Variants in SNRPN observed in about 807,000 individuals in gnomAD.
The protein encoded by SNRPN is small nuclear ribonucleoprotein-associated protein N.
Under a neutral mutation model 25.2 loss-of-function variants are expected in SNRPN, and 7 were observed. The observed-to-expected ratio is 0.28, with a 90% CI of 0.16 to 0.52. SNRPN has a LOEUF of 0.52. SNRPN is among the 20% of genes least tolerant of loss of function. The probability of loss-of-function intolerance (pLI) is 0.96; values close to 1 mark genes in which losing one functional copy is unlikely to be tolerated. For missense variants in SNRPN, 196 were observed against 322.5 expected (o/e 0.61, Z 3.00); for synonymous variants, 124 against 110.6 (o/e 1.12, Z -0.76).
At chr15:24,886,921 C>T (rs2057248655) in intron 2 of SNRPN, among the ~76,000 whole-genome samples, 1 of 152,148 alleles carries the variant, frequency 6.6e-6, no homozygotes, top group African/African-American at 2.4e-5. Context: ...GTGGCCACAT[C>T]CTCTTTACTT....
intron 2 of SNRPN, among the ~76,000 whole-genome samples, chr15:24,898,788 A>G (rs2058251324): frequency 6.6e-6 from 1 of 152,122 alleles, no homozygotes; most frequent in African/African-American, 2.4e-5. Flanking sequence ...GGGGGCGATG[A>G]AGTCCCACGG....
intron 2 of SNRPN, among the ~76,000 whole-genome samples, chr15:24,919,324 G>C (rs2647353): frequency 6.6e-6 from 1 of 151,240 alleles, no homozygotes; most frequent in Non-Finnish European, 1.5e-5. Context: ...CCAGCTACTC[G>C]GGAGGCTGAG....
chr15:24,870,754 T>C (rs1388512883), intron 1 of SNRPN, among the ~76,000 whole-genome samples: 1 of 151,930 alleles, frequency 6.6e-6, no homozygotes, highest in Non-Finnish European at 1.5e-5. Context: ...ACATTTCTTA[T>C]TCATTTTTCT....
intron 1 of SNRPN, among the ~76,000 whole-genome samples, chr15:24,867,098 A>G (rs2054636830): frequency 6.6e-6 from 1 of 152,174 alleles, no homozygotes; most frequent in Admixed American, 6.5e-5. Flanking sequence ...ACATGAGTGT[A>G]GGTATCTCTT....
Position 24,839,034 on chromosome 15 carries a change from A to G in SNRPN, c.-579+9129A>G, listed in dbSNP as rs571694215. The stretch of plus-strand genomic sequence containing the variant: ...ACTGAGGTTGGAATTTCACAGGAAC[A>G]GCCTAATTAGCCAGCTACCTGGTCC... On this transcript the variant is annotated intron_variant, in intron 2 of 12. Coordinates refer to the SNRPN transcript ENST00000400100. Among the ~76,000 whole-genome samples the G allele has an allele frequency of 1.7e-3, 262 of 152,190 alleles. 4 individuals carry two copies. The highest frequency in any genetic ancestry group is 5.9e-3 in the African/African-American group (244 of 41,454).
chr15:24,974,312 C>A lies in SNRPN; in HGVS notation c.-142C>A. Reference sequence around the variant, plus strand: ...GCTTTAACATGCTTTCCTCTGCAGGCTCCATCTACTCTTTGAAGCTTCTGC... The same window carrying A: ...GCTTTAACATGCTTTCCTCTGCAGGATCCATCTACTCTTTGAAGCTTCTGC... On this transcript the variant is annotated splice_region_variant and 5_prime_UTR_variant, in exon 4 of 10. Transcript: ENST00000390687. 2 of 753,294 alleles carry A rather than the reference C, an allele frequency of 2.7e-6. No homozygotes were observed. Among genetic ancestry groups the A allele is most frequent in the Non-Finnish European group, 2.4e-6 (1 of 416,738 alleles). 46.7% of individuals were successfully genotyped at this position (753,294 alleles called of 1,614,324 possible).
chr15:24,950,066 C>T (rs1029959367), upstream of SNRPN, among the ~76,000 whole-genome samples: 2 of 152,156 alleles, frequency 1.3e-5, no homozygotes, highest in African/African-American at 4.8e-5. Context: ...AAGCAATCCT[C>T]TCGCCTTGGC....
intron 1 of SNRPN, among the ~76,000 whole-genome samples, chr15:24,869,805 T>C (rs1379460289): frequency 2.6e-5 from 4 of 152,190 alleles, no homozygotes; most frequent in Non-Finnish European, 5.9e-5. Flanking sequence ...TAAGTCAGCA[T>C]ACATAGCACA....
chr15:24,888,668 A>G (rs889183041), intron 2 of SNRPN, among the ~76,000 whole-genome samples: 2 of 152,174 alleles, frequency 1.3e-5, no homozygotes, highest in Admixed American at 6.5e-5. Flanking sequence ...GGAGGCAACT[A>G]TAAATACAGA....
intron 2 of SNRPN, among the ~76,000 whole-genome samples, chr15:24,843,370 G>T (rs922603713): frequency 2.3e-4 from 35 of 152,306 alleles, no homozygotes; most frequent in African/African-American, 7.5e-4. Context: ...TCAGAAGGCT[G>T]GTTGTGGTGG....
At chr15:24,925,343 G>T (rs1316279290) in intron 3 of SNRPN, among the ~76,000 whole-genome samples, 1 of 151,972 alleles carries the variant, frequency 6.6e-6, no homozygotes, top group African/African-American at 2.4e-5. Context: ...GCCAGGCATG[G>T]TGGCTCACAC....
chr15:24,958,236 G>A (rs527825196), intron 1 of SNRPN, among the ~76,000 whole-genome samples: 1 of 152,198 alleles, frequency 6.6e-6, no homozygotes, highest in Admixed American at 6.5e-5. Flanking sequence ...AGGTGTCAAG[G>A]ATGCCAAGAT....
intron 2 of SNRPN, chr15:24,909,244 T>C (rs2059056058): frequency 1.3e-6 from 2 of 1,581,346 alleles, no homozygotes; most frequent in Non-Finnish European, 1.7e-6. Context: ...TCCGGTGTAC[T>C]TCTGCATTAA....
At chr15:24,878,161 CTTG>C (rs953445168) in intron 1 of SNRPN, among the ~76,000 whole-genome samples, 5 of 152,184 alleles carry the variant, frequency 3.3e-5, no homozygotes, top group African/African-American at 1.2e-4. Context: ...AGGTTAAAGC[CTTG>C]TTAAGTTATT....
chr15:24,948,496 C>T (rs980276098), intron 3 of SNRPN, among the ~76,000 whole-genome samples: 7 of 151,972 alleles, frequency 4.6e-5, no homozygotes, highest in Admixed American at 6.6e-5. Flanking sequence ...TAACATGTTA[C>T]GCTTGTTTCA....
chr15:24,963,258 G>A (rs2075121690), intron 2 of SNRPN, among the ~76,000 whole-genome samples: 1 of 152,260 alleles, frequency 6.6e-6, no homozygotes, highest in East Asian at 1.9e-4. Context: ...TCGTTAGCTT[G>A]CTGCTGGATA....
chr15:24,862,878 C>T (rs1461713114), intron 1 of SNRPN, among the ~76,000 whole-genome samples: 2 of 150,320 alleles, frequency 1.3e-5, no homozygotes, highest in African/African-American at 2.5e-5. Context: ...GAGATAAGGG[C>T]AGTGGGTTGG....
chr15:24,977,774 T>C lies in SNRPN; in HGVS notation c.421-4T>C. ...TTTGACTGTTTCCCGCCCTGCCTTC[T>C]CAGGTAATGACTCCACAGGGAAGAG... is the stretch of plus-strand genomic sequence containing the variant. On this transcript the variant is annotated splice_polypyrimidine_tract_variant and splice_region_variant and intron_variant, in intron 7 of 9. Transcript: ENST00000390687. 6.3e-7 allele frequency: 1 copy of C among 1,590,370 alleles called. No individual in the cohort carries two copies. The highest frequency in any genetic ancestry group is 1.4e-5 in the African/African-American group (1 of 73,924).
In SNRPN at chr15:24,976,902, C is replaced by T; in HGVS notation, c.293C>T (p.Ala98Val). 1 of 1,607,746 alleles carries T rather than the reference C, an allele frequency of 6.2e-7. No individual in the cohort carries two copies. Among genetic ancestry groups the T allele is most frequent in the South Asian group, 1.1e-5 (1 of 90,140 alleles). ...ACTGGCATTGCTCGGGTACCACTTGCTGGAGCTGCTGGAGGCCCTGGGGTT... is the reference window on the plus strand; with the variant it reads ...ACTGGCATTGCTCGGGTACCACTTGTTGGAGCTGCTGGAGGCCCTGGGGTT... ...KDTGIARVPL[A>V]GAAGGPGVGR... The change falls in exon 7 of 10, where the codon GCT (alanine) becomes GTT (valine). Residue 98 changes from alanine to valine, a missense_variant. Coordinates refer to ENST00000390687, the MANE Select transcript of SNRPN (RefSeq NM_003097.6).
Sources: gnomAD v4.1 joint callset for allele counts (sites outside exome capture counted in the v4.1 genomes callset) on GRCh38, gnomAD v4.1.1 for gene constraint, MANE v1.5 for transcripts, NCBI Gene and HGNC (gene_info 2026-07-23, HGNC 2026-07-21) for gene names.